The following B4GALNT3 variants were observed in gnomAD, a reference collection of about 807,000 sequenced individuals.
B4GALNT3 encodes the protein beta-1,4-N-acetylgalactosaminyltransferase 3.
Under a neutral mutation model 120.2 loss-of-function variants are expected in B4GALNT3, and 86 were observed. That is an observed-to-expected ratio of 0.72 (90% CI 0.60 to 0.86). B4GALNT3 has a LOEUF of 0.86. Among genes scored for constraint, B4GALNT3 ranks in the 40% least tolerant of loss-of-function variants. B4GALNT3 has a pLI of 0.00. For synonymous variants in B4GALNT3, 518 were observed against 510.4 expected, an observed-to-expected ratio of 1.01 and a Z score of -0.20; for missense variants, 1,167 against 1,298.9, an observed-to-expected ratio of 0.90 and a Z score of 1.56.
chr12:512,324 C>T (rs543413523), intron 1 of B4GALNT3, among the ~76,000 whole-genome samples: 2 of 132,070 alleles, frequency 1.5e-5, no homozygotes, highest in Non-Finnish European at 3.1e-5. Flanking sequence ...CCACCTTCCA[C>T]CTTCCACCTT....
chr12:471,869 T>G (rs1314276164), intron 1 of B4GALNT3, among the ~76,000 whole-genome samples: 2 of 152,226 alleles, frequency 1.3e-5, no homozygotes, highest in African/African-American at 4.8e-5. Context: ...TTTTACATCT[T>G]CAAATTTGGC....
intron 1 of B4GALNT3, among the ~76,000 whole-genome samples, chr12:509,197 C>T (rs1000966147): frequency 2.0e-5 from 3 of 152,248 alleles, no homozygotes; most frequent in African/African-American, 7.2e-5. Flanking sequence ...TGTACCTTCG[C>T]CCCACCCCCA....
At chr12:486,195 C>A (rs2120489441) in intron 1 of B4GALNT3, among the ~76,000 whole-genome samples, 1 of 149,272 alleles carries the variant, frequency 6.7e-6, no homozygotes, top group Non-Finnish European at 1.5e-5. Flanking sequence ...CTGAAATACA[C>A]CAAAATATTC....
chr12:537,005 GA>G (rs1203066298), intron 3 of B4GALNT3, among the ~76,000 whole-genome samples: 5 of 152,182 alleles, frequency 3.3e-5, no homozygotes, highest in Non-Finnish European at 7.3e-5. Flanking sequence ...TGCCTTCCTG[GA>G]AATGTACATT....
chr12:504,411 G>A (rs1946475144), intron 1 of B4GALNT3, among the ~76,000 whole-genome samples: 1 of 149,358 alleles, frequency 6.7e-6, no homozygotes, highest in Non-Finnish European at 1.5e-5. Flanking sequence ...ATCATGAAAC[G>A]TGTCTCAAAT....
At chr12:519,894 G>A (rs566418709) in intron 1 of B4GALNT3, among the ~76,000 whole-genome samples, 2 of 152,316 alleles carry the variant, frequency 1.3e-5, no homozygotes, top group South Asian at 4.1e-4. Flanking sequence ...TCCATGGAAA[G>A]TACTCTCTCA....
chr12:532,277 A>G (rs1054568941), intron 1 of B4GALNT3, among the ~76,000 whole-genome samples: 4 of 152,174 alleles, frequency 2.6e-5, no homozygotes, highest in Non-Finnish European at 5.9e-5. Context: ...GCAAGACCTG[A>G]CTGGGTTTAA....
chr12:493,958 CAT>C (rs1385183982), intron 1 of B4GALNT3, among the ~76,000 whole-genome samples: 1 of 152,152 alleles, frequency 6.6e-6, no homozygotes, highest in East Asian at 1.9e-4. Flanking sequence ...TTTTTAATGA[CAT>C]AGGTCATCAT....
chr12:485,783 A>C (rs1328783621), intron 1 of B4GALNT3, among the ~76,000 whole-genome samples: 1 of 152,212 alleles, frequency 6.6e-6, no homozygotes, highest in Non-Finnish European at 1.5e-5. Context: ...CCATGTAAGG[A>C]GCTCAGAATC....
intron 3 of B4GALNT3, chr12:543,034 T>C (rs1946937209): frequency 1.8e-6 from 2 of 1,138,274 alleles, no homozygotes; most frequent in Non-Finnish European, 2.3e-6. Flanking sequence ...CGGCTCCTCC[T>C]AGTTCCCTGT....
intron 5 of B4GALNT3, 46 bp downstream of exon 5, chr12:545,018 C>T: frequency 2.5e-6 from 4 of 1,597,602 alleles, no homozygotes; most frequent in Non-Finnish European, 3.4e-6. Flanking sequence ...CTCTAGAGTT[C>T]TGCATCGGAC....
chr12:561,044 TA>T (rs2120755162), intron 19 of B4GALNT3, among the ~76,000 whole-genome samples: 1 of 152,372 alleles, frequency 6.6e-6, no homozygotes, highest in South Asian at 2.1e-4. Flanking sequence ...GTGTATATAG[TA>T]TGTCTACTCT....
rs761346509 is a variant in B4GALNT3, at chr12:548,006, T to C, written c.708-18T>C. The C allele has an allele frequency of 6.2e-7, 1 of 1,612,172 alleles. No homozygotes were observed. The highest frequency in any genetic ancestry group is 8.5e-7 in the Non-Finnish European group (1 of 1,178,658). On this transcript the variant is annotated intron_variant, in intron 7 of 19. Transcript: ENST00000266383. The surrounding 1 kb of genome is among the most constrained non-coding windows in gnomAD (Gnocchi z 4.9). ...CCATGGAGATGGCGCTCTGCTTCCC[T>C]GCCCTCTCTCCCGCCAGCCTGTCAG... is the stretch of plus-strand genomic sequence containing the variant.
At chr12:542,954 G>T (rs1382660237) in intron 3 of B4GALNT3, among the ~76,000 whole-genome samples, 2 of 152,056 alleles carry the variant, frequency 1.3e-5, no homozygotes, top group African/African-American at 2.4e-5. Flanking sequence ...GCAGACAGCT[G>T]TGGCGCTTTC....
intron 1 of B4GALNT3, among the ~76,000 whole-genome samples, chr12:491,943 A>G (rs566320620): frequency 1.3e-5 from 2 of 151,932 alleles, no homozygotes; most frequent in Non-Finnish European, 1.5e-5. Flanking sequence ...CTGTAGTTCC[A>G]GCTACTCGGG....
chr12:482,491 G>C (rs1946251148), intron 1 of B4GALNT3, among the ~76,000 whole-genome samples: 2 of 152,164 alleles, frequency 1.3e-5, no homozygotes, highest in African/African-American at 4.8e-5. Flanking sequence ...AGTTCTGTTA[G>C]GACAGTCATC....
chr12:465,709 C>G (rs552892652), intron 1 of B4GALNT3, among the ~76,000 whole-genome samples: 1 of 152,144 alleles, frequency 6.6e-6, no homozygotes, highest in East Asian at 1.9e-4. Context: ...CCCAGGGACC[C>G]TCAAGTTGAG....
chr12:545,294 G>A, intron 5 of B4GALNT3, 75 bp from the exon 6 acceptor site: 1 of 1,534,970 alleles, frequency 6.5e-7, no homozygotes, highest in Non-Finnish European at 8.8e-7. Flanking sequence ...TAATCGCTAA[G>A]ACACTCACAA....
chr12:504,256 G>C (rs968925315), intron 1 of B4GALNT3, among the ~76,000 whole-genome samples: 14 of 146,270 alleles, frequency 9.6e-5, no homozygotes, highest in African/African-American at 3.5e-4. Flanking sequence ...ACTCCAGCCT[G>C]GGCAACAGCG....
Sources: allele counts gnomAD v4.1 joint callset (sites outside exome capture counted in the v4.1 genomes callset), GRCh38; gene constraint gnomAD v4.1.1; non-coding constraint Gnocchi (gnomAD v3.1); transcripts MANE v1.5; gene names NCBI Gene and HGNC (gene_info 2026-07-23, HGNC 2026-07-21).